Variants in CTDSPL2 observed in about 807,000 individuals in gnomAD.
CTDSPL2 encodes CTD small phosphatase-like protein 2.
In CTDSPL2, 5 loss-of-function variants were observed where a neutral mutation model predicts 60.0. The ratio of observed to expected loss-of-function variants is 0.08; its 90% CI spans 0.04 to 0.18. The LOEUF is 0.18. CTDSPL2 is among the 10% of genes least tolerant of loss of function. CTDSPL2 has a pLI of 1.00. For missense variants in CTDSPL2, 370 were observed against 548.8 expected (o/e 0.67, Z 3.26); for synonymous variants, 186 against 189.3 (o/e 0.98, Z 0.14).
At chr15:44,452,875 G>A (rs2080359175) in intron 1 of CTDSPL2, among the ~76,000 whole-genome samples, 3 of 151,530 alleles carry the variant, frequency 2.0e-5, no homozygotes, top group African/African-American at 7.3e-5. Context: ...TTTTTCTATT[G>A]GCTTGTTTTC....
chr15:44,509,930 T>A (rs966164042), intron 8 of CTDSPL2, among the ~76,000 whole-genome samples: 34 of 149,960 alleles, frequency 2.3e-4, no homozygotes, highest in South Asian at 6.3e-4. Context: ...CATTTAAAAA[T>A]ATATATATAT....
At position 44,488,559 on chromosome 15, in the gene CTDSPL2, T is replaced by C. The variant is rs192466509; in HGVS notation, c.475+1859T>C. Among the ~76,000 whole-genome samples, 255 of 152,266 alleles carry C rather than the reference T, an allele frequency of 1.7e-3. 1 individual carries two copies. The highest frequency in any genetic ancestry group is 5.9e-3 in the African/African-American group (247 of 41,548). On this transcript the variant is annotated intron_variant, in intron 4 of 12. Coordinates refer to ENST00000260327, the MANE Select transcript of CTDSPL2 (RefSeq NM_016396.3). The stretch of plus-strand genomic sequence containing the variant: ...GGGCGCGGTGGCTCAACGCCTGTAA[T>C]CCGAGCACTTTGGGAGGCCGAGATG...
intron 8 of CTDSPL2, among the ~76,000 whole-genome samples, chr15:44,504,370 A>G (rs981158288): frequency 6.6e-6 from 1 of 152,156 alleles, no homozygotes; most frequent in Non-Finnish European, 1.5e-5. Context: ...AGAAAGAACA[A>G]GAGAAGTAGA....
At chr15:44,431,716 G>GTTTTTTTTTTTTT (rs886785067) in intron 1 of CTDSPL2, among the ~76,000 whole-genome samples, 2 of 133,628 alleles carry the variant, frequency 1.5e-5, no homozygotes, top group African/African-American at 2.8e-5. Context: ...TTGTTTGTTT[G>GTTTTTTTTTTTTT]TTTTTTTTTT....
chr15:44,450,323 G>A (rs1048478635), intron 1 of CTDSPL2, among the ~76,000 whole-genome samples: 2 of 151,978 alleles, frequency 1.3e-5, no homozygotes, highest in Admixed American at 6.6e-5. Context: ...TACACTGCTA[G>A]TTCAAACCAC....
chr15:44,450,198 A>G (rs1273603118), intron 1 of CTDSPL2, among the ~76,000 whole-genome samples: 2 of 152,118 alleles, frequency 1.3e-5, no homozygotes, highest in Non-Finnish European at 2.9e-5. Flanking sequence ...GAGGTAACCT[A>G]TAAATATAAT....
chr15:44,429,402 G>A (rs775764277), intron 1 of CTDSPL2, among the ~76,000 whole-genome samples: 3 of 152,192 alleles, frequency 2.0e-5, no homozygotes, highest in Non-Finnish European at 4.4e-5. Context: ...GGTTTTGTCT[G>A]TATTTTAATG....
At chr15:44,459,825 G>A (rs140681531) in intron 2 of CTDSPL2, among the ~76,000 whole-genome samples, 26 of 152,124 alleles carry the variant, frequency 1.7e-4, no homozygotes, top group Non-Finnish European at 3.5e-4. Flanking sequence ...CACTGTCTAG[G>A]GAGGTGATGT....
intron 1 of CTDSPL2, among the ~76,000 whole-genome samples, chr15:44,456,244 T>C (rs1394521212): frequency 1.3e-5 from 2 of 152,244 alleles, no homozygotes; most frequent in African/African-American, 4.8e-5. Flanking sequence ...ATCAGGATGA[T>C]GCTGGCCTCA....
At chr15:44,466,994 G>A (rs1053175685) in intron 2 of CTDSPL2, among the ~76,000 whole-genome samples, 4 of 152,108 alleles carry the variant, frequency 2.6e-5, no homozygotes, top group South Asian at 2.1e-4. Flanking sequence ...ATGGGCAGTT[G>A]TAACACAATG....
At chr15:44,476,496 T>A (rs2080919066) in intron 2 of CTDSPL2, among the ~76,000 whole-genome samples, 1 of 152,232 alleles carries the variant, frequency 6.6e-6, no homozygotes, top group African/African-American at 2.4e-5. Flanking sequence ...TTGCTGTGTT[T>A]TCACATAAAT....
intron 1 of CTDSPL2, among the ~76,000 whole-genome samples, chr15:44,432,452 T>A (rs1463966572): frequency 6.6e-6 from 1 of 150,438 alleles, no homozygotes; most frequent in Admixed American, 6.6e-5. Context: ...CCCAGGTAGC[T>A]AGGATTATAG....
intron 1 of CTDSPL2, among the ~76,000 whole-genome samples, chr15:44,434,269 G>A (rs907123146): frequency 6.6e-6 from 1 of 152,044 alleles, no homozygotes; most frequent in Non-Finnish European, 1.5e-5. Flanking sequence ...GCATGGTGGC[G>A]CATGCCTGTA....
intron 2 of CTDSPL2, among the ~76,000 whole-genome samples, chr15:44,474,576 C>T (rs1567080767): frequency 1.3e-5 from 2 of 152,146 alleles, no homozygotes; most frequent in South Asian, 2.1e-4. Flanking sequence ...ATGCAATGGG[C>T]CAGGCTTGGT....
At chr15:44,481,761 C>T (rs763647043) in intron 2 of CTDSPL2, among the ~76,000 whole-genome samples, 22 of 152,102 alleles carry the variant, frequency 1.4e-4, no homozygotes, top group Non-Finnish European at 2.8e-4. Flanking sequence ...TTAGTAGAGA[C>T]AGAATTTCTC....
intron 8 of CTDSPL2, among the ~76,000 whole-genome samples, chr15:44,500,350 G>C (rs772834834): frequency 6.6e-6 from 1 of 152,100 alleles, no homozygotes; most frequent in Non-Finnish European, 1.5e-5. Context: ...TGTGCTGATG[G>C]ACAGGTAACA....
chr15:44,482,631 A>C (rs1204297758), intron 2 of CTDSPL2, among the ~76,000 whole-genome samples: 2 of 152,220 alleles, frequency 1.3e-5, no homozygotes, highest in African/African-American at 4.8e-5. Flanking sequence ...TTTAAAATAC[A>C]GGAGAATAGT....
chr15:44,524,867 A>G lies in CTDSPL2; in HGVS notation c.*693A>G, dbSNP rs2081847752. The G allele has an allele frequency of 6.5e-6, 1 of 152,750 alleles. No individual in the cohort carries two copies. Among genetic ancestry groups the G allele is most frequent in the African/African-American group, 2.4e-5 (1 of 41,454 alleles). 9.5% of individuals were successfully genotyped at this position (152,750 alleles called of 1,614,324 possible). On this transcript the variant is annotated 3_prime_UTR_variant, in exon 13 of 13. Coordinates refer to ENST00000260327, the MANE Select transcript of CTDSPL2 (RefSeq NM_016396.3). ...GTTTCATTTAGAAAGACATGCATTT[A>G]TATTTTGTTTCTGTAATATTCTACT...
chr15:44,449,978 G>A (rs899921485), intron 1 of CTDSPL2, among the ~76,000 whole-genome samples: 7 of 132,202 alleles, frequency 5.3e-5, no homozygotes, highest in Non-Finnish European at 6.4e-5. Context: ...GTGACAGAGC[G>A]AGTCTGTCTC....
Sources: gnomAD v4.1 joint callset for allele counts (sites outside exome capture counted in the v4.1 genomes callset) on GRCh38, gnomAD v4.1.1 for gene constraint, MANE v1.5 for transcripts, NCBI Gene and HGNC (gene_info 2026-07-23, HGNC 2026-07-21) for gene names.